SCUBE2: variants seen among roughly 807,000 people sequenced by gnomAD.
SCUBE2 encodes signal peptide, CUB domain and EGF like domain containing 2.
A neutral mutation model predicts 125.9 loss-of-function variants in SCUBE2; 114 were observed. The ratio of observed to expected loss-of-function variants is 0.91; its 90% CI spans 0.78 to 1.06. The LOEUF (loss-of-function observed/expected upper bound fraction) is 1.06, where lower values mean the gene tolerates loss of function less well. SCUBE2 is among the 50% of genes least tolerant of loss of function. SCUBE2 has a pLI of 0.00. For synonymous variants in SCUBE2, 459 were observed against 492.9 expected (o/e 0.93, Z 0.91); for missense variants, 1,255 against 1,301.8 (o/e 0.96, Z 0.55).
intron 10 of SCUBE2, among the ~76,000 whole-genome samples, chr11:9,054,793 T>G (rs150101104): frequency 0.019 from 2,416 of 129,462 alleles, 28 homozygotes; most frequent in Non-Finnish European, 0.028. Flanking sequence ...TGGAGTGCAA[T>G]GGCACAACCT....
intron 9 of SCUBE2, among the ~76,000 whole-genome samples, chr11:9,057,029 G>A (rs1182252114): frequency 6.6e-6 from 1 of 152,150 alleles, no homozygotes; most frequent in African/African-American, 2.4e-5. Flanking sequence ...GCAAGTATTT[G>A]TTCTACCAAG....
At chr11:9,033,850 T>G (rs1237688802) in intron 16 of SCUBE2, 54 bp from the exon 17 acceptor site, 1 of 1,582,880 alleles carries the variant, frequency 6.3e-7, no homozygotes, top group Non-Finnish European at 8.7e-7. Context: ...CAAGGAAGGA[T>G]GATGTGAGTT....
At chr11:9,037,807 T>C (rs1856861375) in intron 16 of SCUBE2, among the ~76,000 whole-genome samples, 2 of 152,262 alleles carry the variant, frequency 1.3e-5, no homozygotes, top group South Asian at 4.1e-4. Flanking sequence ...AAAACATTCC[T>C]GTAGTTGAGG....
chr11:9,055,564 C>T lies in SCUBE2; in HGVS notation c.1207+229G>A, dbSNP rs1008959236. On this transcript the variant is annotated intron_variant, in intron 10 of 22. Coordinates refer to ENST00000649792, the MANE Select transcript of SCUBE2 (RefSeq NM_001367977.2). ...TAGAGAATTCACAGCTGGAAGAGCTCAGTTCTTCTCTCTGCTCCATTTCAC... is the reference window on the plus strand; with the variant it reads ...TAGAGAATTCACAGCTGGAAGAGCTTAGTTCTTCTCTCTGCTCCATTTCAC... Among the ~76,000 whole-genome samples the T allele has an allele frequency of 3.9e-5, 6 of 152,224 alleles. No homozygotes were observed. In the East Asian group the frequency reaches 1.2e-3, roughly 29 times the overall value.
rs746717575 is a variant in SCUBE2, at chr11:9,045,602, GACAGACAGACACACACAC to G, written c.2002+1736_2002+1753del. Among the ~76,000 whole-genome samples, 12 of 75,466 alleles carry G rather than the reference GACAGACAGACACACACAC, an allele frequency of 1.6e-4. No homozygotes were observed. In the East Asian group the frequency reaches 4.6e-3, roughly 29 times the overall value. The allele number at this position is 75,466 out of a possible 152,430, so 49.5% of individuals were successfully genotyped here. A position where few individuals can be genotyped will look rare whatever the true frequency, so the allele number is the denominator to read the frequency against. On this transcript the variant is annotated intron_variant, in intron 16 of 22. Coordinates refer to ENST00000649792, the MANE Select transcript of SCUBE2 (RefSeq NM_001367977.2). ...TCAAATAGACCAGGACTAGAAGACA[GACAGACAGACACACACAC>G]ACACACACACACACACACACACACA...
At position 9,021,024 on chromosome 11, in the gene SCUBE2, T is replaced by C. The variant is rs780242251; in HGVS notation, c.*21A>G. 7 of 1,609,264 alleles carry C rather than the reference T, an allele frequency of 4.3e-6. No individual in the cohort carries two copies. Among genetic ancestry groups the C allele is most frequent in the African/African-American group, 2.7e-5 (2 of 74,920 alleles). On this transcript the variant is annotated 3_prime_UTR_variant, in exon 23 of 23. Transcript: ENST00000649792. ...CCAACCCTATAGCAGAACATTTGTA[T>C]TGAGTGGCACGTGGGCTGAGTCATT... is the stretch of plus-strand genomic sequence containing the variant.
intron 14 of SCUBE2, among the ~76,000 whole-genome samples, chr11:9,048,916 G>A (rs996982856): frequency 6.6e-6 from 1 of 152,208 alleles, no homozygotes; most frequent in African/African-American, 2.4e-5. Flanking sequence ...GTCAACAGGG[G>A]CCACAGGAAG....
chr11:9,075,718 G>A (rs1279431126), intron 3 of SCUBE2, among the ~76,000 whole-genome samples: 3 of 152,244 alleles, frequency 2.0e-5, no homozygotes, highest in Admixed American at 6.5e-5. Flanking sequence ...TGGGCAGTCT[G>A]GGAGTCCAGC....
intron 2 of SCUBE2, among the ~76,000 whole-genome samples, chr11:9,084,767 A>G (rs1463483502): frequency 6.6e-6 from 1 of 152,188 alleles, no homozygotes; most frequent in African/African-American, 2.4e-5. Flanking sequence ...TTTTTGAGAC[A>G]GCGTCTCATT....
chr11:9,050,805 C>T (rs1858280460), intron 13 of SCUBE2, 95 bp from the exon 14 acceptor site: 1 of 913,092 alleles, frequency 1.1e-6, no homozygotes, highest in Admixed American at 1.7e-5. Flanking sequence ...GTGGCTTCCA[C>T]CACACACAGC....
At position 9,068,949 on chromosome 11, in the gene SCUBE2, C is replaced by T. The variant is rs563783989; in HGVS notation, c.643+421G>A. On this transcript the variant is annotated intron_variant, in intron 5 of 22. Coordinates refer to ENST00000649792, the MANE Select transcript of SCUBE2 (RefSeq NM_001367977.2). The stretch of plus-strand genomic sequence containing the variant: ...GGAAGGCAGGAGGGCTTGGGAAAGG[C>T]CTGGAGGCATCAAAGGATTTGGGCT... Among the ~76,000 whole-genome samples the T allele has an allele frequency of 1.1e-4, 16 of 152,286 alleles. No homozygotes were observed. In the South Asian group the frequency reaches 3.3e-3, roughly 32 times the overall value.
intron 2 of SCUBE2, among the ~76,000 whole-genome samples, chr11:9,084,836 C>T (rs996665872): frequency 1.3e-5 from 2 of 152,222 alleles, no homozygotes; most frequent in Non-Finnish European, 2.9e-5. Context: ...CTCCTGGGCT[C>T]AAGTGATCCT....
At chr11:9,074,707 A>G in intron 3 of SCUBE2, 92 bp from the exon 4 acceptor site, 1 of 1,455,934 alleles carries the variant, frequency 6.9e-7, no homozygotes, top group Non-Finnish European at 9.5e-7. Context: ...AGCAAAGATG[A>G]GGTTCCTCTT....
intron 15 of SCUBE2, 81 bp downstream of exon 15, chr11:9,047,862 A>G (rs1857957528): frequency 6.8e-7 from 1 of 1,470,362 alleles, no homozygotes; most frequent in African/African-American, 1.4e-5. Context: ...CTTTTCCCCC[A>G]AGAATAATAA....
At chr11:9,053,537 T>C in intron 11 of SCUBE2, 100 bp downstream of exon 11, 1 of 1,387,998 alleles carries the variant, frequency 7.2e-7, no homozygotes, top group Non-Finnish European at 1.0e-6. Flanking sequence ...GGGAAGTCAG[T>C]GGAGGGACGG....
chr11:9,063,613 G>C (rs1408219879), intron 7 of SCUBE2, among the ~76,000 whole-genome samples: 1 of 152,192 alleles, frequency 6.6e-6, no homozygotes, highest in Non-Finnish European at 1.5e-5. Context: ...AGAATATAAA[G>C]GCATTTTCAG....
chr11:9,069,630 T>TATGTCATTA (rs1860590263), intron 4 of SCUBE2, 135 bp from the exon 5 acceptor site: 1 of 1,167,502 alleles, frequency 8.6e-7, no homozygotes, highest in Non-Finnish European at 1.2e-6. Context: ...TTGAAAAGTA[T>TATGTCATTA]ATGTCATTAA....
In SCUBE2 at chr11:9,079,438, G is replaced by C. The variant is rs780737177; in HGVS notation, c.328C>G (p.Arg110Gly). ...HDCLNIPGNYRCTCFDGFMLA... is the reference protein window; with the variant it reads ...HDCLNIPGNYGCTCFDGFMLA... Reference sequence around the variant, plus strand: ...ATGAAGCCATCAAAACAAGTGCAACGATAATTGCCTGGAATATTCAAACAG... The same window carrying C: ...ATGAAGCCATCAAAACAAGTGCAACCATAATTGCCTGGAATATTCAAACAG... Residue 110 changes from arginine to glycine, a missense_variant, in exon 3 of 23, where the codon CGT (arginine) becomes GGT (glycine). This residue lies in a region of SCUBE2 where 362 missense variants were observed against 323.0 expected (regional missense o/e 1.12). Transcript: ENST00000649792. 6.2e-7 allele frequency: 1 copy of C among 1,613,954 alleles called. No individual in the cohort carries two copies. Among genetic ancestry groups the C allele is most frequent in the Non-Finnish European group, 8.5e-7 (1 of 1,179,968 alleles).
At chr11:9,077,091 G>GATCATGTATTTGCTCTGTAT (rs1861270093) in intron 3 of SCUBE2, among the ~76,000 whole-genome samples, 1 of 152,168 alleles carries the variant, frequency 6.6e-6, no homozygotes, top group Non-Finnish European at 1.5e-5. Flanking sequence ...ATGCTCTGTG[G>GATCATGTATTTGCTCTGTAT]TTGGATAAAT....
Sources: gnomAD v4.1 joint callset for allele counts (sites outside exome capture counted in the v4.1 genomes callset) on GRCh38, gnomAD v4.1.1 for gene constraint, gnomAD v4.1.1 regional missense constraint, MANE v1.5 for transcripts, NCBI Gene and HGNC (gene_info 2026-07-23, HGNC 2026-07-21) for gene names.